Variants in ZNF287 observed in about 807,000 individuals in gnomAD.
ZNF287 encodes zinc finger protein with KRAB and SCAN domains 13.
A neutral mutation model predicts 73.7 loss-of-function variants in ZNF287; 31 were observed. That is an observed-to-expected ratio of 0.42 (90% CI 0.32 to 0.57). The LOEUF (loss-of-function observed/expected upper bound fraction) is 0.57, where lower values mean the gene tolerates loss of function less well. Ranked by LOEUF, ZNF287 falls within the 20% of genes least tolerant of loss-of-function variation. ZNF287 has a pLI of 0.13. For synonymous variants in ZNF287, 301 were observed against 307.2 expected (o/e 0.98, Z 0.21); for missense variants, 641 against 909.3 (o/e 0.70, Z 3.79).
chr17:16,555,403 C>T (rs1350698515), intron 5 of ZNF287, among the ~76,000 whole-genome samples: 1 of 152,126 alleles, frequency 6.6e-6, no homozygotes, highest in East Asian at 1.9e-4. Context: ...ATTCACAATT[C>T]TGTACATTTC....
rs1183454111 is a variant in ZNF287, at chr17:16,567,612, T to A, written c.120A>T (p.Arg40Ser). Residue 40 changes from arginine to serine, a missense_variant, in exon 2 of 6, where the codon AGA (arginine) becomes AGT (serine). Transcript: ENST00000395825. ...YNVEKEILTS[R>S]FLRDTETCRQ... is the part of the protein sequence containing the mutation. Reference sequence around the variant, plus strand: ...GACAGGTCTCAGTGTCACGCAAGAATCTTGAAGTAAGGATTTCCTTCTCAA... The same window carrying A: ...GACAGGTCTCAGTGTCACGCAAGAAACTTGAAGTAAGGATTTCCTTCTCAA... The A allele has an allele frequency of 1.9e-6, 3 of 1,614,212 alleles. No homozygotes were observed. The South Asian group carries it at 3.3e-5, about 18-fold the overall frequency.
chr17:16,559,627 A>G (rs1907296512), intron 5 of ZNF287, among the ~76,000 whole-genome samples: 1 of 149,964 alleles, frequency 6.7e-6, no homozygotes, highest in South Asian at 2.1e-4. Flanking sequence ...TCCACTGAAC[A>G]GAAGCAATGA....
chr17:16,561,078 G>A (rs937150749), intron 5 of ZNF287, among the ~76,000 whole-genome samples: 2 of 151,950 alleles, frequency 1.3e-5, no homozygotes, highest in African/African-American at 4.8e-5. Flanking sequence ...CACTTTGGGA[G>A]GCCAAGGCGG....
At chr17:16,554,146 T>C (rs797011228) in intron 5 of ZNF287, among the ~76,000 whole-genome samples, 6 of 152,242 alleles carry the variant, frequency 3.9e-5, no homozygotes, top group African/African-American at 1.4e-4. Flanking sequence ...TTCAGCCCTT[T>C]CTATTCTATT....
Position 16,551,828 on chromosome 17 carries a change from A to G in ZNF287, c.*28T>C. ...CAAAACAAAATTGAAACAAAGTTGT[A>G]AAACCGAATTGAAGTTTCCCTTATC... is the stretch of plus-strand genomic sequence containing the variant. On this transcript the variant is annotated 3_prime_UTR_variant, in exon 6 of 6. Transcript: ENST00000395825. 1 of 1,541,054 alleles carries G rather than the reference A, an allele frequency of 6.5e-7. No homozygotes were observed. The highest frequency in any genetic ancestry group is 1.3e-5 in the South Asian group (1 of 77,962).
At chr17:16,561,702 A>C (rs1367686485) in intron 5 of ZNF287, among the ~76,000 whole-genome samples, 15 of 152,220 alleles carry the variant, frequency 9.9e-5, no homozygotes, top group Admixed American at 9.8e-4. Context: ...CCTTTAAAAA[A>C]TGTCAATATC....
In ZNF287 at chr17:16,553,275, A is replaced by T; in HGVS notation, c.867T>A (p.Thr289=). 1 of 1,613,902 alleles carries T rather than the reference A, an allele frequency of 6.2e-7. No homozygotes were observed. Among genetic ancestry groups the T allele is most frequent in the East Asian group, 2.2e-5 (1 of 44,858 alleles). The change falls in exon 6 of 6, where the codon ACT becomes ACA. Residue 289 remains threonine (T), a synonymous_variant. Coordinates refer to ENST00000395825, the MANE Select transcript of ZNF287 (RefSeq NM_020653.4). ...RGKGGFWKIH[T]DERGFSLKSV... ...ACTTCAAACTGAAACCTCTTTCATCAGTGTGAATTTTCCAGAAGCCACCTT... is the reference window on the plus strand; with the variant it reads ...ACTTCAAACTGAAACCTCTTTCATCTGTGTGAATTTTCCAGAAGCCACCTT...
At chr17:16,566,374 T>C in intron 3 of ZNF287, 151 bp downstream of exon 3, 1 of 536,038 alleles carries the variant, frequency 1.9e-6, no homozygotes. Context: ...TACATTCACC[T>C]ACCTTAACAG....
intron 5 of ZNF287, among the ~76,000 whole-genome samples, chr17:16,561,923 T>C (rs1907472933): frequency 6.6e-6 from 1 of 152,216 alleles, no homozygotes; most frequent in Admixed American, 6.5e-5. Context: ...AAATGTTAAT[T>C]ATCTAGAGTG....
In ZNF287 at chr17:16,552,408, G is replaced by C; in HGVS notation, c.1734C>G (p.Thr578=). 3.1e-6 allele frequency: 5 copies of C among 1,613,910 alleles called. No individual in the cohort carries two copies. The highest frequency in any genetic ancestry group is 4.2e-6 in the Non-Finnish European group (5 of 1,179,940). The change falls in exon 6 of 6, where the codon ACC becomes ACG. Residue 578 remains threonine (T), a synonymous_variant. Coordinates refer to ENST00000395825, the MANE Select transcript of ZNF287 (RefSeq NM_020653.4). The surrounding 1 kb of genome is among the most constrained non-coding windows in gnomAD (Gnocchi z 6.5). ...TGTGAGTGGTTTGATGTTGAATAAGGGTTGAGGAATGAGCAAAGGCTTTTC... is the reference window on the plus strand; with the variant it reads ...TGTGAGTGGTTTGATGTTGAATAAGCGTTGAGGAATGAGCAAAGGCTTTTC... ...ECGKAFAHSS[T]LIQHQTTHTG...
rs767104180 is a variant in ZNF287, at chr17:16,566,524, CT to C, written c.501del (p.Glu168AsnfsTer3). The C allele has an allele frequency of 1.9e-6, 3 of 1,611,392 alleles. No individual in the cohort carries two copies. The African/African-American group carries it at 4.0e-5, about 22-fold the overall frequency. ...AAATCAGAAAAGACAGTCACACTCA[CT>C]TTGGTCACCAAGTCATTTAGCCATC... ...QTGWLNDLVTKESMTFKDVAV... is the reference protein window; with the variant it reads ...QTGWLNDLVTXESMTFKDVAV... On this transcript the variant is annotated frameshift_variant and splice_region_variant, in exon 3 of 6. Coordinates refer to ENST00000395825, the MANE Select transcript of ZNF287 (RefSeq NM_020653.4). LOFTEE classifies it high-confidence loss of function.
Position 16,551,683 on chromosome 17 carries a change from A to T in ZNF287, c.*173T>A. ...GGTTAAGAAGTCAAGTTTCCTTCTT[A>T]AATTTCACATTAAATCTAAATAGGT... On this transcript the variant is annotated 3_prime_UTR_variant, in exon 6 of 6. Coordinates refer to ENST00000395825, the MANE Select transcript of ZNF287 (RefSeq NM_020653.4). The T allele has an allele frequency of 1.7e-6, 1 of 597,628 alleles. No homozygotes were observed. Among genetic ancestry groups the T allele is most frequent in the Non-Finnish European group, 2.7e-6 (1 of 371,194 alleles). The allele number at this position is 597,628 out of a possible 1,614,324, so 37.0% of individuals were successfully genotyped here.
chr17:16,564,779 T>C (rs1372817847), intron 3 of ZNF287, among the ~76,000 whole-genome samples: 3 of 152,164 alleles, frequency 2.0e-5, no homozygotes. Context: ...ATGTTTCTTT[T>C]TTCTCTTTTT....
In ZNF287 at chr17:16,563,785, T is replaced by C; in HGVS notation, c.542A>G (p.Gln181Arg). ...AGGACGCATTAACTCCCAGTCCTCC[T>C]GGGTGATGTCTACAGCCACATCTTT... ...TFKDVAVDIT[Q>R]EDWELMRPVQ... Residue 181 changes from glutamine (Q) to arginine (R), a missense_variant, in exon 4 of 6, where the codon CAG (glutamine) becomes CGG (arginine). By Grantham distance (43) the Gln-to-Arg change is conservative. Coordinates refer to ENST00000395825, the MANE Select transcript of ZNF287 (RefSeq NM_020653.4). 1.2e-6 allele frequency: 2 copies of C among 1,614,034 alleles called. No homozygotes were observed. The highest frequency in any genetic ancestry group is 1.7e-6 in the Non-Finnish European group (2 of 1,179,908).
At chr17:16,563,377 G>T in intron 4 of ZNF287, 145 bp from the exon 5 acceptor site, 2 of 617,102 alleles carry the variant, frequency 3.2e-6, no homozygotes, top group South Asian at 2.3e-5. Context: ...GAATTAGGCT[G>T]TTGATTGTTA....
In ZNF287 at chr17:16,547,189, T is replaced by C. The variant is rs1569007559; in HGVS notation, c.*4667A>G. Among the ~76,000 whole-genome samples the C allele has an allele frequency of 6.6e-6, 1 of 152,200 alleles. No individual in the cohort carries two copies. The highest frequency in any genetic ancestry group is 2.4e-5 in the African/African-American group (1 of 41,446). ...CTTAGATTTGCATGAAACAGATCCT[T>C]AGGATTAATATTTAGATCTTACCAG... On this transcript the variant is annotated 3_prime_UTR_variant, in exon 6 of 6. Transcript: ENST00000395825.
Position 16,569,157 on chromosome 17 carries a change from A to AG in ZNF287, c.-405dup, listed in dbSNP as rs886448568. 2 of 152,402 alleles carry AG rather than the reference A, an allele frequency of 1.3e-5. No homozygotes were observed. Among genetic ancestry groups the AG allele is most frequent in the African/African-American group, 4.8e-5 (2 of 41,474 alleles). The allele number at this position is 152,402 out of a possible 1,614,324, so 9.4% of individuals were successfully genotyped here. Reference sequence around the variant, plus strand: ...AGCCCGGTCCTGAGAAGCCCGGCCCAGAAACCCCGGCGCCTCTGCTTAGCC... The same window carrying AG: ...AGCCCGGTCCTGAGAAGCCCGGCCCAGGAAACCCCGGCGCCTCTGCTTAGCC... On this transcript the variant is annotated 5_prime_UTR_variant, in exon 1 of 6. Transcript: ENST00000395825.
intron 1 of ZNF287, 46 bp from the exon 2 acceptor site, chr17:16,567,975 T>G: frequency 1.5e-6 from 2 of 1,363,950 alleles, no homozygotes; most frequent in Non-Finnish European, 1.9e-6. Context: ...CCTGGTGTAC[T>G]CTACTATACA....
At position 16,551,782 on chromosome 17, in the gene ZNF287, T is replaced by C; in HGVS notation, c.*74A>G. On this transcript the variant is annotated 3_prime_UTR_variant, in exon 6 of 6. Coordinates refer to ENST00000395825, the MANE Select transcript of ZNF287 (RefSeq NM_020653.4). ...TGCACTTCTTCAGACTTCTTCTGAA[T>C]GTTCTGACACATAGAATGCACAAAA... The C allele has an allele frequency of 6.7e-7, 1 of 1,485,816 alleles. No homozygotes were observed. Among genetic ancestry groups the C allele is most frequent in the Non-Finnish European group, 9.0e-7 (1 of 1,105,508 alleles). 92.0% of individuals were successfully genotyped at this position (1,485,816 alleles called of 1,614,324 possible).
Sources: gnomAD v4.1 joint callset for allele counts (sites outside exome capture counted in the v4.1 genomes callset) on GRCh38, gnomAD v4.1.1 for gene constraint, Gnocchi (gnomAD v3.1) non-coding constraint, MANE v1.5 for transcripts, NCBI Gene and HGNC (gene_info 2026-07-23, HGNC 2026-07-21) for gene names.